The following SLC35D4 variants were observed in gnomAD, a reference collection of about 807,000 sequenced individuals.
The protein encoded by SLC35D4 is UDP-N-acetylglucosamine transporter SLC35D4.
At chr18:23,319,244 CTTTATTTATTTATTTATTTA>C in the SLC35D4 span, among the ~76,000 whole-genome samples, 379 of 147,406 alleles carry the variant, frequency 2.6e-3, 1 homozygote, top group African/African-American at 8.9e-3. Context: ...TATTTCAGTG[CTTTATTTATTTATTTATTTA>C]TTTATTTATT....
At chr18:23,387,725 T>C in the SLC35D4 span, among the ~76,000 whole-genome samples, 1 of 152,202 alleles carries the variant, frequency 6.6e-6, no homozygotes, top group South Asian at 2.1e-4. Context: ...ACATTTTTCT[T>C]ACCTTTTTAA....
chr18:23,393,475 C>T, the SLC35D4 span, among the ~76,000 whole-genome samples: 2 of 152,278 alleles, frequency 1.3e-5, no homozygotes, highest in East Asian at 1.9e-4. Flanking sequence ...TTTCATTACT[C>T]TAAGTACCAG....
chr18:23,347,989 C>A, the SLC35D4 span, among the ~76,000 whole-genome samples: 29 of 152,232 alleles, frequency 1.9e-4, 1 homozygote, highest in South Asian at 6.0e-3. Flanking sequence ...ATATAAATTT[C>A]CCTTCAAGCA....
chr18:23,246,567 GT>G, the SLC35D4 span, among the ~76,000 whole-genome samples: 1 of 151,532 alleles, frequency 6.6e-6, no homozygotes, highest in African/African-American at 2.4e-5. Context: ...AATTTTTTGT[GT>G]TTTTAGTAGA....
At chr18:23,359,549 T>C in the SLC35D4 span, among the ~76,000 whole-genome samples, 1 of 152,202 alleles carries the variant, frequency 6.6e-6, no homozygotes, top group Non-Finnish European at 1.5e-5. Flanking sequence ...AAGCATGAAA[T>C]TGCCATGGTG....
the SLC35D4 span, among the ~76,000 whole-genome samples, chr18:23,267,678 A>G: frequency 6.6e-6 from 1 of 151,744 alleles, no homozygotes; most frequent in South Asian, 2.1e-4. Context: ...GTTCCTCTGC[A>G]CCTCTGCTTC....
chr18:23,304,356 A>G, the SLC35D4 span, among the ~76,000 whole-genome samples: 1 of 144,890 alleles, frequency 6.9e-6, no homozygotes, highest in African/African-American at 2.5e-5. Flanking sequence ...AAAAGTCTCA[A>G]GAATTTATAT....
At chr18:23,402,605 G>A in the SLC35D4 span, among the ~76,000 whole-genome samples, 1 of 151,940 alleles carries the variant, frequency 6.6e-6, no homozygotes, top group Non-Finnish European at 1.5e-5. Context: ...GGGAGTTTCA[G>A]ACCAGCCTGG....
At chr18:23,246,078 C>T in the SLC35D4 span, among the ~76,000 whole-genome samples, 2 of 152,034 alleles carry the variant, frequency 1.3e-5, no homozygotes, top group Non-Finnish European at 2.9e-5. Flanking sequence ...CCATCCTGGC[C>T]AACGGTGTAA....
At chr18:23,285,174 T>G in the SLC35D4 span, among the ~76,000 whole-genome samples, 11 of 152,226 alleles carry the variant, frequency 7.2e-5, no homozygotes, top group Non-Finnish European at 1.5e-4. Context: ...ACCTCTTATC[T>G]GTGCCCCAAC....
the SLC35D4 span, among the ~76,000 whole-genome samples, chr18:23,413,663 A>G: frequency 1.4e-4 from 21 of 151,640 alleles, no homozygotes; most frequent in Non-Finnish European, 8.8e-5. Context: ...GGTGGCTCAC[A>G]CCTGTAATCC....
chr18:23,426,134 T>C, the SLC35D4 span, among the ~76,000 whole-genome samples: 1 of 152,058 alleles, frequency 6.6e-6, no homozygotes, highest in East Asian at 1.9e-4. Flanking sequence ...TAATGAAATA[T>C]AGGTGAATAT....
chr18:23,413,743 G>A, the SLC35D4 span, among the ~76,000 whole-genome samples: 2 of 151,670 alleles, frequency 1.3e-5, no homozygotes, highest in Non-Finnish European at 2.9e-5. Flanking sequence ...TGGCCAACAC[G>A]GTGAAACCCT....
At chr18:23,304,494 G>C in the SLC35D4 span, among the ~76,000 whole-genome samples, 2 of 142,766 alleles carry the variant, frequency 1.4e-5, no homozygotes, top group African/African-American at 5.2e-5. Flanking sequence ...ATATATAAAT[G>C]ACATTATATA....
the SLC35D4 span, among the ~76,000 whole-genome samples, chr18:23,322,674 G>A: frequency 1.4e-4 from 21 of 152,264 alleles, no homozygotes; most frequent in African/African-American, 5.1e-4. Context: ...TAAAATACTT[G>A]ATTGTGTTGT....
chr18:23,402,610 G>A, the SLC35D4 span, among the ~76,000 whole-genome samples: 4 of 151,968 alleles, frequency 2.6e-5, no homozygotes, highest in African/African-American at 9.7e-5. Context: ...TTTCAGACCA[G>A]CCTGGGCAAC....
the SLC35D4 span, among the ~76,000 whole-genome samples, chr18:23,338,314 A>G: frequency 6.6e-6 from 1 of 152,200 alleles, no homozygotes; most frequent in Non-Finnish European, 1.5e-5. Context: ...CCACAACTAA[A>G]TTCACTACCT....
the SLC35D4 span, among the ~76,000 whole-genome samples, chr18:23,270,552 T>C: frequency 4.6e-5 from 7 of 152,294 alleles, no homozygotes; most frequent in African/African-American, 1.7e-4. Flanking sequence ...GCCTGTACTG[T>C]GCACCTGGAA....
the SLC35D4 span, chr18:23,254,045 TCA>T: frequency 1.1e-6 from 1 of 880,932 alleles, no homozygotes; most frequent in East Asian, 2.6e-5. Flanking sequence ...TGATCCTTAG[TCA>T]GCAATTGAGG....
Sources: allele counts gnomAD v4.1 joint callset (sites outside exome capture counted in the v4.1 genomes callset), GRCh38; gene constraint gnomAD v4.1.1; transcripts MANE v1.5; gene names NCBI Gene and HGNC (gene_info 2026-07-23, HGNC 2026-07-21).